KCNH8: variants seen among roughly 807,000 people sequenced by gnomAD.
The protein encoded by KCNH8 is voltage-gated delayed rectifier potassium channel KCNH8.
In KCNH8, 70 loss-of-function variants were observed where a neutral mutation model predicts 103.6. The observed-to-expected ratio is 0.68, with a 90% confidence interval of 0.56 to 0.82. The LOEUF (loss-of-function observed/expected upper bound fraction) is 0.82. Ranked by LOEUF, KCNH8 falls within the 40% of genes least tolerant of loss-of-function variation. The pLI, the probability that KCNH8 is intolerant of heterozygous loss-of-function variation, is 0.00. For synonymous variants in KCNH8, 498 were observed against 489.4 expected, an observed-to-expected ratio of 1.02 and a Z score of -0.23; for missense variants, 1,217 against 1,329.9, an observed-to-expected ratio of 0.92 and a Z score of 1.32.
chr3:19,464,651 A>G (rs567991293), intron 11 of KCNH8, among the ~76,000 whole-genome samples: 39 of 152,308 alleles, frequency 2.6e-4, no homozygotes, highest in Non-Finnish European at 4.0e-4. Context: ...AATATCCCGA[A>G]TGTATTAAAA....
At chr3:19,325,180 A>G (rs2065404911) in intron 3 of KCNH8, among the ~76,000 whole-genome samples, 1 of 152,198 alleles carries the variant, frequency 6.6e-6, no homozygotes, top group African/African-American at 2.4e-5. Context: ...TCTTCCTTAC[A>G]CCATATTAAA....
rs184644387 is a variant in KCNH8 at position 19,259,056 on chromosome 3, C to T, written c.310+5169C>T. Among the ~76,000 whole-genome samples, 414 of 145,484 alleles carry T rather than the reference C, an allele frequency of 2.8e-3. 3 individuals carry two copies. Among genetic ancestry groups the T allele is most frequent in the African/African-American group, 9.7e-3 (383 of 39,668 alleles). ...TTTCTAAATAGTAAAAAAGGAAATA[C>T]AACTATTTATTTTAAAAGAGAATCT... On this transcript the variant is annotated intron_variant, in intron 2 of 15. Coordinates refer to ENST00000328405, the MANE Select transcript of KCNH8 (RefSeq NM_144633.3).
At chr3:19,366,155 T>C (rs559264020) in intron 5 of KCNH8, among the ~76,000 whole-genome samples, 12 of 152,242 alleles carry the variant, frequency 7.9e-5, no homozygotes, top group African/African-American at 2.9e-4. Context: ...TTATAGGTTG[T>C]ATGCTGCTTT....
At chr3:19,316,039 A>G (rs2065269438) in intron 3 of KCNH8, among the ~76,000 whole-genome samples, 2 of 152,178 alleles carry the variant, frequency 1.3e-5, no homozygotes, top group East Asian at 3.9e-4. Context: ...TAAAGATTTA[A>G]AAGAAATTAA....
intron 1 of KCNH8, among the ~76,000 whole-genome samples, chr3:19,204,422 A>AAGAG (rs57494828): frequency 6.0e-5 from 9 of 149,134 alleles, no homozygotes; most frequent in Non-Finnish European, 1.0e-4. Context: ...GGAGTGGGGG[A>AAGAG]AGAGAGAGAG....
chr3:19,515,176 A>G, intron 13 of KCNH8, 146 bp from the exon 14 acceptor site: 1 of 410,856 alleles, frequency 2.4e-6, no homozygotes. Flanking sequence ...CAATAGCAAT[A>G]TAAGGCTAAT....
chr3:19,508,428 A>G (rs920958224), intron 11 of KCNH8, among the ~76,000 whole-genome samples: 2 of 152,130 alleles, frequency 1.3e-5, no homozygotes, highest in Admixed American at 1.3e-4. Context: ...TTAGTCAGTT[A>G]TTACTTTGCA....
chr3:19,374,625 G>A (rs1377644298), intron 5 of KCNH8, among the ~76,000 whole-genome samples: 1 of 151,936 alleles, frequency 6.6e-6, no homozygotes, highest in Non-Finnish European at 1.5e-5. Flanking sequence ...ATATTGTTAT[G>A]TGTGAATTCG....
At chr3:19,262,122 G>A (rs1253557373) in intron 2 of KCNH8, among the ~76,000 whole-genome samples, 1 of 151,380 alleles carries the variant, frequency 6.6e-6, no homozygotes, top group African/African-American at 2.4e-5. Flanking sequence ...TGAATTTTAG[G>A]ATTATTTTCT....
chr3:19,303,604 A>T (rs1048027519), intron 3 of KCNH8, among the ~76,000 whole-genome samples: 1 of 152,118 alleles, frequency 6.6e-6, no homozygotes, highest in Non-Finnish European at 1.5e-5. Context: ...CATTGAGACA[A>T]TCCTTCCAAA....
At chr3:19,425,915 T>C (rs1575052715) in intron 7 of KCNH8, among the ~76,000 whole-genome samples, 1 of 152,128 alleles carries the variant, frequency 6.6e-6, no homozygotes, top group South Asian at 2.1e-4. Context: ...TTTTTAAACA[T>C]TGAAAATTGC....
At chr3:19,331,755 A>G (rs971692743) in intron 3 of KCNH8, among the ~76,000 whole-genome samples, 2 of 152,104 alleles carry the variant, frequency 1.3e-5, no homozygotes, top group African/African-American at 4.8e-5. Context: ...TTCCAATTAT[A>G]CCCTTTTAAG....
At chr3:19,436,751 CAT>C (rs1467877194) in intron 7 of KCNH8, among the ~76,000 whole-genome samples, 42 of 152,278 alleles carry the variant, frequency 2.8e-4, no homozygotes, top group African/African-American at 9.9e-4. Context: ...AATGAACAGA[CAT>C]TGAGTAAGCA....
At chr3:19,187,804 T>C (rs904500219) in intron 1 of KCNH8, among the ~76,000 whole-genome samples, 7 of 152,082 alleles carry the variant, frequency 4.6e-5, no homozygotes, top group African/African-American at 1.7e-4. Flanking sequence ...GTTTTCCAGA[T>C]AGTTTAAAAA....
chr3:19,503,951 ATTAC>A lies in KCNH8; in HGVS notation c.2041-6409_2041-6406del, dbSNP rs370372589. Among the ~76,000 whole-genome samples, 100 of 151,972 alleles carry A rather than the reference ATTAC, an allele frequency of 6.6e-4. No individual in the cohort carries two copies. The East Asian group carries it at 0.014, about 21-fold the overall frequency. On this transcript the variant is annotated intron_variant, in intron 11 of 15. Coordinates refer to ENST00000328405, the MANE Select transcript of KCNH8 (RefSeq NM_144633.3). ...AATAATAATAATAATAATAAAGAAAATTACTTTCTTTAAGAATGCTGGGATACTG... is the reference window on the plus strand; with the variant it reads ...AATAATAATAATAATAATAAAGAAAATTTCTTTAAGAATGCTGGGATACTG...
chr3:19,313,576 C>A (rs1470632758), intron 3 of KCNH8, among the ~76,000 whole-genome samples: 1 of 151,838 alleles, frequency 6.6e-6, no homozygotes, highest in Non-Finnish European at 1.5e-5. Context: ...CTCACCAGAG[C>A]CAGTGAACAT....
At chr3:19,403,383 T>TA (rs1299874930) in intron 7 of KCNH8, among the ~76,000 whole-genome samples, 2 of 55,096 alleles carry the variant, frequency 3.6e-5, no homozygotes, top group Non-Finnish European at 7.2e-5. Context: ...TATATATATA[T>TA]ATATATATAT....
At chr3:19,443,804 C>T (rs2067319241) in intron 8 of KCNH8, among the ~76,000 whole-genome samples, 1 of 151,802 alleles carries the variant, frequency 6.6e-6, no homozygotes, top group Non-Finnish European at 1.5e-5. Flanking sequence ...AAAATGATTA[C>T]AAATAATTAA....
intron 3 of KCNH8, among the ~76,000 whole-genome samples, chr3:19,304,711 C>A (rs2065107497): frequency 6.6e-6 from 1 of 151,874 alleles, no homozygotes. Context: ...ACTATATTAC[C>A]CTAGAATTTT....
Sources: allele counts gnomAD v4.1 joint callset (sites outside exome capture counted in the v4.1 genomes callset), GRCh38; gene constraint gnomAD v4.1.1; transcripts MANE v1.5; gene names NCBI Gene and HGNC (gene_info 2026-07-23, HGNC 2026-07-21).